NRP1: variants seen among roughly 807,000 people sequenced by gnomAD.
NRP1 encodes the protein neuropilin-1.
In NRP1, 35 loss-of-function variants were observed where a neutral mutation model predicts 106.7. That is an observed-to-expected ratio of 0.33 (90% CI 0.25 to 0.43). The LOEUF is 0.43. Ranked by LOEUF, NRP1 falls within the 20% of genes least tolerant of loss-of-function variation. The pLI is 1.00. For synonymous variants in NRP1, 437 were observed against 417.9 expected (o/e 1.05, Z -0.56); for missense variants, 1,024 against 1,170.4 (o/e 0.87, Z 1.83).
intron 6 of NRP1, among the ~76,000 whole-genome samples, chr10:33,235,520 T>C (rs1840487272): frequency 6.6e-6 from 1 of 152,246 alleles, no homozygotes; most frequent in Admixed American, 6.5e-5. Flanking sequence ...ATGAAACACA[T>C]TTAAGACAAA....
intron 2 of NRP1, among the ~76,000 whole-genome samples, chr10:33,310,498 G>A (rs1475542063): frequency 4.0e-5 from 6 of 151,896 alleles, no homozygotes; most frequent in Admixed American, 3.3e-4. Flanking sequence ...TGATTCACTC[G>A]ACTTGGCCTC....
chr10:33,263,550 T>C, intron 4 of NRP1, 96 bp downstream of exon 4: 1 of 862,820 alleles, frequency 1.2e-6, no homozygotes, highest in Non-Finnish European at 1.8e-6. Flanking sequence ...TTTTGAGGTT[T>C]TTTTTAATGA....
In NRP1 at chr10:33,334,362, G is replaced by T; in HGVS notation, c.21C>A (p.Leu7=). MERGLP[L]LCAVLALVLA... ...GGACGAGGGCGAGCACGGCGCAGAGGAGCGGCAGCCCCCTCTCCATTCTCC... is the reference window on the plus strand; with the variant it reads ...GGACGAGGGCGAGCACGGCGCAGAGTAGCGGCAGCCCCCTCTCCATTCTCC... Residue 7 remains leucine, a synonymous_variant, in exon 1 of 17, where the codon CTC becomes CTA. Transcript: ENST00000374867. 1 of 1,546,436 alleles carries T rather than the reference G, an allele frequency of 6.5e-7. No homozygotes were observed. Among genetic ancestry groups the T allele is most frequent in the Non-Finnish European group, 8.7e-7 (1 of 1,147,366 alleles).
At chr10:33,187,586 T>C (rs181430142) in intron 13 of NRP1, among the ~76,000 whole-genome samples, 2 of 152,288 alleles carry the variant, frequency 1.3e-5, no homozygotes, top group Admixed American at 1.3e-4. Context: ...GGACTTTCTC[T>C]TGGCTTCGCT....
intron 2 of NRP1, among the ~76,000 whole-genome samples, chr10:33,288,850 A>G (rs182343042): frequency 1.3e-5 from 2 of 152,302 alleles, no homozygotes; most frequent in Non-Finnish European, 2.9e-5. Flanking sequence ...CCAAGGAATA[A>G]AAGTTTGCCA....
At chr10:33,260,785 A>G (rs983163960) in intron 4 of NRP1, among the ~76,000 whole-genome samples, 4 of 152,140 alleles carry the variant, frequency 2.6e-5, no homozygotes, top group African/African-American at 7.2e-5. Context: ...ATTTGAATCA[A>G]TGGGTAGCTT....
At chr10:33,230,215 G>A (rs1329235695) in intron 6 of NRP1, among the ~76,000 whole-genome samples, 1 of 152,160 alleles carries the variant, frequency 6.6e-6, no homozygotes, top group Non-Finnish European at 1.5e-5. Context: ...GAGAGTTTGA[G>A]GGGAGACAGA....
chr10:33,261,450 A>G (rs528308373), intron 4 of NRP1, among the ~76,000 whole-genome samples: 2 of 152,138 alleles, frequency 1.3e-5, no homozygotes, highest in African/African-American at 4.8e-5. Context: ...TTATAATACT[A>G]TTTTCCTAAT....
intron 8 of NRP1, among the ~76,000 whole-genome samples, chr10:33,218,414 C>T (rs1456763756): frequency 2.0e-5 from 3 of 150,990 alleles, no homozygotes; most frequent in Non-Finnish European, 2.9e-5. Context: ...GGCACAATCT[C>T]GGCTCACTGC....
intron 10 of NRP1, chr10:33,206,218 T>C (rs1161364287): frequency 1.9e-6 from 1 of 519,030 alleles, no homozygotes; most frequent in Non-Finnish European, 3.8e-6. Flanking sequence ...GCAGACTCCT[T>C]TTCCAGATGA....
At chr10:33,199,841 T>C (rs566390536) in intron 11 of NRP1, among the ~76,000 whole-genome samples, 1 of 152,306 alleles carries the variant, frequency 6.6e-6, no homozygotes, top group Admixed American at 6.5e-5. Flanking sequence ...CGATCTTTAT[T>C]TGGGACAGGC....
chr10:33,277,986 A>G (rs1201906216), intron 2 of NRP1, among the ~76,000 whole-genome samples: 1 of 152,104 alleles, frequency 6.6e-6, no homozygotes, highest in Non-Finnish European at 1.5e-5. Flanking sequence ...GACACTTCCT[A>G]AAACTCCGTT....
chr10:33,331,458 G>C (rs1159530997), intron 1 of NRP1, among the ~76,000 whole-genome samples: 1 of 152,210 alleles, frequency 6.6e-6, no homozygotes, highest in African/African-American at 2.4e-5. Flanking sequence ...AATCAACAGA[G>C]AACAAAGTAT....
chr10:33,277,727 A>G (rs9971215), intron 2 of NRP1, among the ~76,000 whole-genome samples: 18,504 of 152,310 alleles, frequency 0.12, 1,217 homozygotes, highest in East Asian at 0.15. Flanking sequence ...GGAATATTAA[A>G]TAAAGAATAA....
At chr10:33,222,348 T>A (rs1839312926) in intron 7 of NRP1, among the ~76,000 whole-genome samples, 1 of 152,178 alleles carries the variant, frequency 6.6e-6, no homozygotes. Flanking sequence ...TTGACTTCAT[T>A]CCTTGATGGA....
rs558139092 is a variant in NRP1, at chr10:33,327,645, T to G, written c.248+3063A>C. Among the ~76,000 whole-genome samples the G allele has an allele frequency of 5.3e-5, 8 of 151,720 alleles. No individual in the cohort carries two copies. The South Asian group carries it at 1.7e-3, about 32-fold the overall frequency. ...TCTATGAATTTGTTCTTCAAATAATTTCTGGTGTTCCCAGGTTTTTTTTTT... is the reference window on the plus strand; with the variant it reads ...TCTATGAATTTGTTCTTCAAATAATGTCTGGTGTTCCCAGGTTTTTTTTTT... On this transcript the variant is annotated intron_variant, in intron 2 of 16. Transcript: ENST00000374867.
chr10:33,207,553 C>G lies in NRP1; in HGVS notation c.1759+19G>C. On this transcript the variant is annotated intron_variant, in intron 10 of 16. Transcript: ENST00000374867. ...AAATTTAAAAACGCATGAGAAGTAA[C>G]TCTGGAGATCATAATTACCTTCCAC... 6.2e-7 allele frequency: 1 copy of G among 1,613,506 alleles called. No homozygotes were observed. Among genetic ancestry groups the G allele is most frequent in the African/African-American group, 1.3e-5 (1 of 74,988 alleles).
chr10:33,202,825 TTAGCTG>T (rs1837447743), intron 11 of NRP1, 60 bp downstream of exon 11: 2 of 1,613,988 alleles, frequency 1.2e-6, no homozygotes, highest in Non-Finnish European at 8.5e-7. Context: ...CACACAGGCG[TTAGCTG>T]GTCCCAACTA....
At chr10:33,226,940 C>G (rs61843160) in intron 6 of NRP1, among the ~76,000 whole-genome samples, 23,152 of 152,136 alleles carry the variant, frequency 0.15, 1,865 homozygotes, top group Middle Eastern at 0.3. Context: ...CCCAGACCAC[C>G]TTGGGTTTAT....
Sources: gnomAD v4.1 joint callset for allele counts (sites outside exome capture counted in the v4.1 genomes callset) on GRCh38, gnomAD v4.1.1 for gene constraint, MANE v1.5 for transcripts, NCBI Gene and HGNC (gene_info 2026-07-23, HGNC 2026-07-21) for gene names.